Variants in CUL7 observed in about 807,000 individuals in gnomAD.
CUL7 encodes cullin 7.
CUL7 carries 96 observed loss-of-function variants against 177.7 expected under a neutral mutation model. That is an observed-to-expected ratio of 0.54 (90% confidence interval 0.46 to 0.64). The LOEUF (loss-of-function observed/expected upper bound fraction) is 0.64. Ranked by LOEUF, CUL7 falls within the 30% of genes least tolerant of loss-of-function variation. The probability of loss-of-function intolerance (pLI) is 0.00; values close to 1 mark genes in which losing one functional copy is unlikely to be tolerated. For synonymous variants in CUL7, 824 were observed against 890.2 expected (o/e 0.93, Z 1.32); for missense variants, 1,893 against 2,187.9 (o/e 0.87, Z 2.69).
Position 43,053,569 on chromosome 6 carries a change from G to A in CUL7, c.-9+53C>T. On this transcript the variant is annotated intron_variant, in intron 1 of 25. Coordinates refer to ENST00000265348, the MANE Select transcript of CUL7 (RefSeq NM_014780.5). The surrounding 1 kb of genome is among the most constrained non-coding windows in gnomAD (Gnocchi z 4.1). ...AGGTTGGGTGAGCGCGAGGCTCGAT[G>A]GGCTAGTGGGCAGGGAAGGAGAAGC... 8.3e-7 allele frequency: 1 copy of A among 1,201,708 alleles called. No individual in the cohort carries two copies. The highest frequency in any genetic ancestry group is 3.6e-5 in the Admixed American group (1 of 27,694). 74.4% of individuals were successfully genotyped at this position (1,201,708 alleles called of 1,614,324 possible).
intron 19 of CUL7, among the ~76,000 whole-genome samples, chr6:43,042,586 C>T (rs956679090): frequency 1.4e-4 from 21 of 152,244 alleles, no homozygotes; most frequent in African/African-American, 5.1e-4. Context: ...GATGATCTGC[C>T]TGCCTCGGCC....
At chr6:43,046,634 G>A (rs780940092) in intron 10 of CUL7, 33 bp from the exon 11 acceptor site, 204 of 1,613,486 alleles carry the variant, frequency 1.3e-4, no homozygotes, top group Non-Finnish European at 1.7e-4. Context: ...AAGGGGCACA[G>A]GGGCAGAAGG....
chr6:43,053,547 T>C lies in CUL7; in HGVS notation c.-9+75A>G, dbSNP rs1236268365. 2.9e-6 allele frequency: 3 copies of C among 1,026,724 alleles called. No individual in the cohort carries two copies. The highest frequency in any genetic ancestry group is 3.1e-5 in the East Asian group (1 of 31,986). The allele number at this position is 1,026,724 out of a possible 1,614,324, so 63.6% of individuals were successfully genotyped here. On this transcript the variant is annotated intron_variant, in intron 1 of 25. Coordinates refer to ENST00000265348, the MANE Select transcript of CUL7 (RefSeq NM_014780.5). The surrounding 1 kb of genome is among the most constrained non-coding windows in gnomAD (Gnocchi z 4.1). ...AGGCACGGTAGGATGGGGACCGAGG[T>C]TGGGTGAGCGCGAGGCTCGATGGGC...
rs1465261767 is a variant in CUL7, at chr6:43,052,782, C to T, written c.7G>A (p.Gly3Arg). The change falls in exon 2 of 26, where the codon GGA becomes AGA. Residue 3 changes from glycine (G) to arginine (R), a missense_variant. By Grantham distance (125) the Gly-to-Arg change is moderately radical. This residue lies in a region of CUL7 where 653 missense variants were observed against 725.2 expected (regional missense o/e 0.90). Transcript: ENST00000265348. The surrounding 1 kb of genome is among the most constrained non-coding windows in gnomAD (Gnocchi z 4.5). ...CTGAATTCCCTGTAGCGGAGTTCTC[C>T]CACCATCCTGGCACCTGGAGCACAC... is the stretch of plus-strand genomic sequence containing the variant. MV[G>R]ELRYREFRVP... The T allele has an allele frequency of 6.2e-7, 1 of 1,604,172 alleles. No individual in the cohort carries two copies. The highest frequency in any genetic ancestry group is 8.5e-7 in the Non-Finnish European group (1 of 1,179,846).
intron 19 of CUL7, among the ~76,000 whole-genome samples, chr6:43,042,093 AGGAGGGAG>A (rs924972805): frequency 7.0e-6 from 1 of 142,046 alleles, no homozygotes; most frequent in African/African-American, 2.6e-5. Flanking sequence ...GAGGGAGAGA[AGGAGGGAG>A]GGAAGGAGGG....
At position 43,050,990 on chromosome 6, in the gene CUL7, T is replaced by G; in HGVS notation, c.1211A>C (p.Asn404Thr). Residue 404 changes from asparagine (N) to threonine (T), a missense_variant, in exon 4 of 26, where the codon AAC becomes ACC. Physicochemically the swap from Asn to Thr is moderately conservative, Grantham distance 65 (BLOSUM62 0). This residue lies in a region of CUL7 where 653 missense variants were observed against 725.2 expected (regional missense o/e 0.90). Transcript: ENST00000265348. This position sits in a 1 kb window ranked among gnomAD's most constrained non-coding sequence, Gnocchi z 4.1. ...AGDEGEFRQS[N>T]NGVPPVQVFW... Reference sequence around the variant, plus strand: ...CACCTGCACAGGAGGCACACCGTTGTTGCTCTGCCGAAACTCGCCCTCATC... The same window carrying G: ...CACCTGCACAGGAGGCACACCGTTGGTGCTCTGCCGAAACTCGCCCTCATC... The G allele has an allele frequency of 6.2e-7, 1 of 1,614,146 alleles. No homozygotes were observed. The highest frequency in any genetic ancestry group is 1.1e-5 in the South Asian group (1 of 91,090).
Position 43,047,035 on chromosome 6 carries a change from G to A in CUL7, c.2242C>T (p.Gln748Ter). 2 of 1,613,444 alleles carry A rather than the reference G, an allele frequency of 1.2e-6. No individual in the cohort carries two copies. Among genetic ancestry groups the A allele is most frequent in the Non-Finnish European group, 1.7e-6 (2 of 1,179,398 alleles). Reference sequence around the variant, plus strand: ...GAGATAGCGTCTCTTGCTCCCAGCTGATTCAGCACCACGGCATAGTCCCTG... The same window carrying A: ...GAGATAGCGTCTCTTGCTCCCAGCTAATTCAGCACCACGGCATAGTCCCTG... ...VSRDYAVVLN[Q>*]LGARDAISKA... The change falls in exon 10 of 26, where the codon CAG becomes TAG. Residue 748 changes from glutamine to a stop codon, truncating the protein, a stop_gained. Transcript: ENST00000265348. LOFTEE classifies it high-confidence loss of function.
rs1349709248 is a variant in CUL7 at position 43,040,914 on chromosome 6, C to G, written c.3806+1G>C. On this transcript the variant is annotated splice_donor_variant, in intron 20 of 25. Transcript: ENST00000265348. LOFTEE classifies it high-confidence loss of function. The surrounding 1 kb of genome is among the most constrained non-coding windows in gnomAD (Gnocchi z 4.2). ...CTCCCGCTCCTTAGGTCCACACTCA[C>G]TGGTAATAATGCTCAAAAGTGGTGG... The G allele has an allele frequency of 6.2e-7, 1 of 1,613,086 alleles. No homozygotes were observed. The highest frequency in any genetic ancestry group is 1.3e-5 in the African/African-American group (1 of 74,918).
chr6:43,039,422 G>C (rs1763221156), intron 22 of CUL7, among the ~76,000 whole-genome samples: 1 of 152,118 alleles, frequency 6.6e-6, no homozygotes, highest in African/African-American at 2.4e-5. Flanking sequence ...CCCCCGATGG[G>C]GAGTTTAGGA....
chr6:43,051,686 C>T lies in CUL7; in HGVS notation c.658G>A (p.Ala220Thr). ...GCCTGTGCAAACAGTGCTAGCAGAG[C>T]ACAGCGGCTGTCAAAATCCAGGTGT... is the stretch of plus-strand genomic sequence containing the variant. ...EKHLDFDSRC[A>T]LLALFAQATL... The change falls in exon 3 of 26, where the codon GCT becomes ACT. Residue 220 changes from alanine to threonine, a missense_variant. Ala to Thr is a moderately conservative substitution (Grantham distance 58, BLOSUM62 0). Around this residue, in one of 5 missense-constraint regions of CUL7, gnomAD observed 653 missense variants for 725.2 expected, o/e 0.90. Coordinates refer to ENST00000265348, the MANE Select transcript of CUL7 (RefSeq NM_014780.5). The surrounding 1 kb of genome is among the most constrained non-coding windows in gnomAD (Gnocchi z 5.0). The T allele has an allele frequency of 6.2e-7, 1 of 1,614,178 alleles. No individual in the cohort carries two copies. The highest frequency in any genetic ancestry group is 8.5e-7 in the Non-Finnish European group (1 of 1,180,026).
rs1318632401 is a variant in CUL7 at position 43,052,114 on chromosome 6, G to A, written c.580+95C>T. On this transcript the variant is annotated intron_variant, in intron 2 of 25. Coordinates refer to ENST00000265348, the MANE Select transcript of CUL7 (RefSeq NM_014780.5). The surrounding 1 kb of genome is among the most constrained non-coding windows in gnomAD (Gnocchi z 4.5). ...AGGGCAACAGAATCATTTACGTACT[G>A]ATGAGATCAGAGGCTCCTGCCACAG... 1 of 1,565,026 alleles carries A rather than the reference G, an allele frequency of 6.4e-7. No homozygotes were observed. Among genetic ancestry groups the A allele is most frequent in the Non-Finnish European group, 8.7e-7 (1 of 1,155,150 alleles).
chr6:43,051,913 A>G lies in CUL7; in HGVS notation c.581-150T>C. On this transcript the variant is annotated intron_variant, in intron 2 of 25. Coordinates refer to ENST00000265348, the MANE Select transcript of CUL7 (RefSeq NM_014780.5). The surrounding 1 kb of genome is among the most constrained non-coding windows in gnomAD (Gnocchi z 5.0). Reference sequence around the variant, plus strand: ...AAAGCTAAAATTTGCTAACTTATACACATACACACACACACGCACATAAAC... The same window carrying G: ...AAAGCTAAAATTTGCTAACTTATACGCATACACACACACACGCACATAAAC... 9.6e-7 allele frequency: 1 copy of G among 1,036,640 alleles called. No homozygotes were observed. Among genetic ancestry groups the G allele is most frequent in the East Asian group, 2.4e-5 (1 of 41,670 alleles). 64.2% of individuals were successfully genotyped at this position (1,036,640 alleles called of 1,614,324 possible). A position where few individuals can be genotyped will look rare whatever the true frequency, so the allele number is the denominator to read the frequency against.
At position 43,046,103 on chromosome 6, in the gene CUL7, G is replaced by T; in HGVS notation, c.2661-12C>A. On this transcript the variant is annotated splice_polypyrimidine_tract_variant and intron_variant, in intron 12 of 25. Coordinates refer to ENST00000265348, the MANE Select transcript of CUL7 (RefSeq NM_014780.5). Reference sequence around the variant, plus strand: ...GCAGAGTCAGTTGCCTGGGAGTGGGGAGGAAAAACCATTTGGAACTTGTAG... The same window carrying T: ...GCAGAGTCAGTTGCCTGGGAGTGGGTAGGAAAAACCATTTGGAACTTGTAG... The T allele has an allele frequency of 1.2e-6, 2 of 1,613,736 alleles. No individual in the cohort carries two copies.
Position 43,051,750 on chromosome 6 carries a change from C to T in CUL7, c.594G>A (p.Gln198=), listed in dbSNP as rs886042561. The T allele has an allele frequency of 6.2e-7, 1 of 1,614,180 alleles. No homozygotes were observed. Among genetic ancestry groups the T allele is most frequent in the Middle Eastern group, 1.6e-4 (1 of 6,062 alleles). Residue 198 remains glutamine, a synonymous_variant, in exon 3 of 26, where the codon CAG becomes CAA. Coordinates refer to ENST00000265348, the MANE Select transcript of CUL7 (RefSeq NM_014780.5). This position sits in a 1 kb window ranked among gnomAD's most constrained non-coding sequence, Gnocchi z 5.0. ...CTTGTTGGCTCAGTGACAGAAGGAT[C>T]TGAGTCCGGGTCCCTGTAACCCACA... ...LSSHDAGTRT[Q]ILLSLSQQEA...
At chr6:43,044,992 GC>G in intron 15 of CUL7, 107 bp from the exon 16 acceptor site, 1 of 1,518,152 alleles carries the variant, frequency 6.6e-7, no homozygotes, top group Non-Finnish European at 9.0e-7. Context: ...CAAACCGAAG[GC>G]CCCCTGGTAC....
Position 43,053,437 on chromosome 6 carries a change from G to C in CUL7, c.-9+185C>G, listed in dbSNP as rs1764615619. 6.6e-6 allele frequency among the ~76,000 whole-genome samples: 1 copy of C among 152,118 alleles called. No individual in the cohort carries two copies. The highest frequency in any genetic ancestry group is 6.5e-5 in the Admixed American group (1 of 15,276). Reference sequence around the variant, plus strand: ...CACAGACCAGGTAGGCGAGGGGCTTGGGGACCGAGGTTGGAGACTGGAGAA... The same window carrying C: ...CACAGACCAGGTAGGCGAGGGGCTTCGGGACCGAGGTTGGAGACTGGAGAA... On this transcript the variant is annotated intron_variant, in intron 1 of 25. Coordinates refer to ENST00000265348, the MANE Select transcript of CUL7 (RefSeq NM_014780.5). This position sits in a 1 kb window ranked among gnomAD's most constrained non-coding sequence, Gnocchi z 4.1.
In CUL7 at chr6:43,043,048, T is replaced by C. The variant is rs1488359620; in HGVS notation, c.3462+26A>G. 5 of 1,613,052 alleles carry C rather than the reference T, an allele frequency of 3.1e-6. No individual in the cohort carries two copies. The highest frequency in any genetic ancestry group is 4.2e-6 in the Non-Finnish European group (5 of 1,179,200). On this transcript the variant is annotated intron_variant, in intron 18 of 25. Transcript: ENST00000265348. This position sits in a 1 kb window ranked among gnomAD's most constrained non-coding sequence, Gnocchi z 4.2. Reference sequence around the variant, plus strand: ...CATGCCACCATTATGGTGTCCCCTCTCTCCCGCAGGCCTGCTCCTGCCCAC... The same window carrying C: ...CATGCCACCATTATGGTGTCCCCTCCCTCCCGCAGGCCTGCTCCTGCCCAC...
In CUL7 at chr6:43,045,210, C is replaced by T. The variant is rs373514392; in HGVS notation, c.3038+17G>A. The T allele has an allele frequency of 1.7e-4, 272 of 1,611,926 alleles. No homozygotes were observed. Among genetic ancestry groups the T allele is most frequent in the Admixed American group, 2.5e-4 (15 of 59,468 alleles). On this transcript the variant is annotated intron_variant, in intron 15 of 25. Coordinates refer to ENST00000265348, the MANE Select transcript of CUL7 (RefSeq NM_014780.5). This position sits in a 1 kb window ranked among gnomAD's most constrained non-coding sequence, Gnocchi z 4.8. ...CCTTTCCCACAGACACAAGCATACA[C>T]GCACACTCTCACACACCTAGAACTC...
intron 9 of CUL7, among the ~76,000 whole-genome samples, chr6:43,047,785 A>G (rs1764039468): frequency 6.6e-6 from 1 of 152,124 alleles, no homozygotes; most frequent in Non-Finnish European, 1.5e-5. Context: ...CCTTTTGTGT[A>G]AAAAAGAGAG....
Sources: allele counts gnomAD v4.1 joint callset (sites outside exome capture counted in the v4.1 genomes callset), GRCh38; gene constraint gnomAD v4.1.1; regional missense constraint gnomAD v4.1.1; non-coding constraint Gnocchi (gnomAD v3.1); transcripts MANE v1.5; gene names NCBI Gene and HGNC (gene_info 2026-07-23, HGNC 2026-07-21).